Variants in MC2R observed in about 807,000 individuals in gnomAD.
MC2R encodes melanocortin 2 receptor.
In MC2R, 9 loss-of-function variants were observed where a neutral mutation model predicts 9.8. The observed-to-expected ratio is 0.92, with a 90% confidence interval of 0.55 to 1.60. MC2R has a LOEUF of 1.60. Ranked by LOEUF, MC2R falls within the 40% of genes most tolerant of loss-of-function variation. MC2R has a pLI of 0.00. For missense variants in MC2R, 370 were observed against 389.0 expected, an observed-to-expected ratio of 0.95 and a Z score of 0.41; for synonymous variants, 185 against 154.7, an observed-to-expected ratio of 1.20 and a Z score of -1.45.
At chr18:13,903,411 G>A (rs2045392286) in intron 1 of MC2R, among the ~76,000 whole-genome samples, 1 of 152,158 alleles carries the variant, frequency 6.6e-6, no homozygotes, top group African/African-American at 2.4e-5. Flanking sequence ...TTGCAGCACT[G>A]TTTACAATAG....
chr18:13,906,088 A>C (rs1297803406), intron 1 of MC2R, among the ~76,000 whole-genome samples: 1 of 152,164 alleles, frequency 6.6e-6, no homozygotes, highest in African/African-American at 2.4e-5. Flanking sequence ...AGAAAAAAGA[A>C]AAAAATATAT....
chr18:13,900,926 C>T (rs1408540143), intron 1 of MC2R, among the ~76,000 whole-genome samples: 4 of 152,086 alleles, frequency 2.6e-5, no homozygotes, highest in African/African-American at 4.8e-5. Flanking sequence ...AACATTTCAT[C>T]CAATAGCTAC....
intron 1 of MC2R, among the ~76,000 whole-genome samples, chr18:13,897,945 C>T (rs2045356491): frequency 6.6e-6 from 1 of 151,894 alleles, no homozygotes; most frequent in African/African-American, 2.4e-5. Flanking sequence ...AGCACATTCC[C>T]AGCTGTGGTA....
rs1347680263 is a variant in MC2R at position 13,910,613 on chromosome 18, G to A, written c.-129+4875C>T. ...TATACTACAAAGTGCCTGAGGGGGAGCTTGTACAGCTTCCTGCAGCCTGCC... is the reference window on the plus strand; with the variant it reads ...TATACTACAAAGTGCCTGAGGGGGAACTTGTACAGCTTCCTGCAGCCTGCC... On this transcript the variant is annotated intron_variant, in intron 1 of 1. Coordinates refer to ENST00000327606, the MANE Select transcript of MC2R (RefSeq NM_000529.2). Among the ~76,000 whole-genome samples, 6 of 152,318 alleles carry A rather than the reference G, an allele frequency of 3.9e-5. 1 individual carries two copies. The Middle Eastern group carries it at 0.01, about 261-fold the overall frequency.
intron 1 of MC2R, among the ~76,000 whole-genome samples, chr18:13,914,059 G>GAT (rs1417184567): frequency 7.0e-6 from 1 of 141,896 alleles, no homozygotes; most frequent in Non-Finnish European, 1.5e-5. Context: ...TAAAGAATAG[G>GAT]ATTTTTTTTT....
intron 1 of MC2R, among the ~76,000 whole-genome samples, chr18:13,906,432 G>A (rs191250140): frequency 3.9e-3 from 589 of 152,238 alleles, no homozygotes; most frequent in Non-Finnish European, 7.0e-3. Context: ...CCTGTTGGGG[G>A]GTGGGAGGTG....
Position 13,914,546 on chromosome 18 carries a change from A to T in MC2R, c.-129+942T>A, listed in dbSNP as rs577550117. Among the ~76,000 whole-genome samples the T allele has an allele frequency of 2.6e-5, 4 of 151,810 alleles. No individual in the cohort carries two copies. In the East Asian group the frequency reaches 7.7e-4, roughly 29 times the overall value. On this transcript the variant is annotated intron_variant, in intron 1 of 1. Coordinates refer to ENST00000327606, the MANE Select transcript of MC2R (RefSeq NM_000529.2). ...CTCCTTCTGATCTGCTCAAGGCTGT[A>T]CTCTCTGGACCCCTTTGTACCCCTT...
At chr18:13,893,870 G>A (rs922329588) in intron 1 of MC2R, among the ~76,000 whole-genome samples, 16 of 152,208 alleles carry the variant, frequency 1.1e-4, no homozygotes, top group African/African-American at 3.9e-4. Flanking sequence ...TTGCACAGGA[G>A]TGATACTCTG....
chr18:13,914,232 G>A (rs950613408), intron 1 of MC2R, among the ~76,000 whole-genome samples: 2 of 152,050 alleles, frequency 1.3e-5, no homozygotes, highest in Non-Finnish European at 1.5e-5. Context: ...CCCCTGCCGC[G>A]GCCTAAGCGG....
In MC2R at chr18:13,883,618, CA is replaced by C. The variant is rs1308346632; in HGVS notation, c.*1006del. 1 of 74,900 alleles carries C rather than the reference CA, an allele frequency of 1.3e-5. No homozygotes were observed. The highest frequency in any genetic ancestry group is 2.9e-5 in the Non-Finnish European group (1 of 34,204). 4.6% of individuals were successfully genotyped at this position (74,900 alleles called of 1,614,324 possible). The stretch of plus-strand genomic sequence containing the variant: ...ACACACACACACACACACACACACA[CA>C]CACACACACTCTCTCTCTCTCTCTC... On this transcript the variant is annotated 3_prime_UTR_variant, in exon 2 of 2. Transcript: ENST00000327606.
At chr18:13,904,219 A>G (rs112911449) in intron 1 of MC2R, among the ~76,000 whole-genome samples, 1,869 of 32,916 alleles carry the variant, frequency 0.057, 25 homozygotes, top group African/African-American at 0.075. Context: ...CTAAAAATAC[A>G]AAAAAAAAAA....
At chr18:13,901,491 TCTTTAG>T (rs2045379720) in intron 1 of MC2R, among the ~76,000 whole-genome samples, 1 of 151,662 alleles carries the variant, frequency 6.6e-6, no homozygotes, top group South Asian at 2.1e-4. Flanking sequence ...AACTGACAAA[TCTTTAG>T]CCAGACTAAG....
intron 1 of MC2R, among the ~76,000 whole-genome samples, chr18:13,897,706 G>A (rs1332695892): frequency 6.6e-6 from 1 of 152,042 alleles, no homozygotes; most frequent in Non-Finnish European, 1.5e-5. Context: ...TAGGGCACTG[G>A]TCAGAGTTGT....
Position 13,884,488 on chromosome 18 carries a change from A to T in MC2R, c.*137T>A, listed in dbSNP as rs140906835. ...CACATAGAACCTAGCTATTAGAAACACTAGCTGGTGGGATCATCCTTGCAT... is the reference window on the plus strand; with the variant it reads ...CACATAGAACCTAGCTATTAGAAACTCTAGCTGGTGGGATCATCCTTGCAT... On this transcript the variant is annotated 3_prime_UTR_variant, in exon 2 of 2. Coordinates refer to ENST00000327606, the MANE Select transcript of MC2R (RefSeq NM_000529.2). The T allele has an allele frequency of 1.2e-5, 11 of 952,130 alleles. No individual in the cohort carries two copies. Among genetic ancestry groups the T allele is most frequent in the Non-Finnish European group, 1.8e-5 (11 of 601,658 alleles). 59.0% of individuals were successfully genotyped at this position (952,130 alleles called of 1,614,324 possible). A position where few individuals can be genotyped will look rare whatever the true frequency, so the allele number is the denominator to read the frequency against.
At chr18:13,904,288 G>A (rs1162070679) in intron 1 of MC2R, among the ~76,000 whole-genome samples, 3 of 150,918 alleles carry the variant, frequency 2.0e-5, no homozygotes, top group African/African-American at 4.9e-5. Flanking sequence ...GGCTGAGGCA[G>A]GAGAATGGCG....
At chr18:13,904,063 C>A (rs1222361995) in intron 1 of MC2R, among the ~76,000 whole-genome samples, 1 of 151,492 alleles carries the variant, frequency 6.6e-6, no homozygotes, top group Non-Finnish European at 1.5e-5. Context: ...ACGAAATAAA[C>A]CCACTCAAAA....
At chr18:13,888,135 A>T (rs1464209036) in intron 1 of MC2R, among the ~76,000 whole-genome samples, 1 of 151,980 alleles carries the variant, frequency 6.6e-6, no homozygotes, top group Non-Finnish European at 1.5e-5. Flanking sequence ...ACATGTTGAA[A>T]GTGGTTGTAA....
chr18:13,910,783 C>A (rs1252444668), intron 1 of MC2R, among the ~76,000 whole-genome samples: 1 of 152,176 alleles, frequency 6.6e-6, no homozygotes, highest in East Asian at 1.9e-4. Flanking sequence ...GATAGAGAGG[C>A]AGCTTGGAAT....
At chr18:13,898,636 C>A (rs142593147) in intron 1 of MC2R, among the ~76,000 whole-genome samples, 1 of 152,142 alleles carries the variant, frequency 6.6e-6, no homozygotes, top group Non-Finnish European at 1.5e-5. Context: ...GAGGTGCTTG[C>A]GTCACTCCAC....
Sources: gnomAD v4.1 joint callset for allele counts (sites outside exome capture counted in the v4.1 genomes callset) on GRCh38, gnomAD v4.1.1 for gene constraint, MANE v1.5 for transcripts, NCBI Gene and HGNC (gene_info 2026-07-23, HGNC 2026-07-21) for gene names.